The following CADM1 variants were observed in gnomAD, a reference collection of about 807,000 sequenced individuals.
CADM1 encodes cell adhesion molecule 1.
In CADM1, 15 loss-of-function variants were observed where a neutral mutation model predicts 53.1. The ratio of observed to expected loss-of-function variants is 0.28; its 90% CI spans 0.19 to 0.44. The LOEUF (loss-of-function observed/expected upper bound fraction) is 0.44, where lower values mean the gene tolerates loss of function less well. Ranked by LOEUF, CADM1 falls within the 20% of genes least tolerant of loss-of-function variation. CADM1 has a pLI of 1.00. For synonymous variants in CADM1, 281 were observed against 243.0 expected, an observed-to-expected ratio of 1.16 and a Z score of -1.45; for missense variants, 434 against 611.3, an observed-to-expected ratio of 0.71 and a Z score of 3.06.
intron 1 of CADM1, among the ~76,000 whole-genome samples, chr11:115,399,703 G>C (rs1242065024): frequency 6.6e-6 from 1 of 151,870 alleles, no homozygotes; most frequent in African/African-American, 2.4e-5. Context: ...TTTTTTAACA[G>C]AGTATTTAAA....
chr11:115,218,339 G>T (rs1423590990), intron 5 of CADM1, among the ~76,000 whole-genome samples: 1 of 152,144 alleles, frequency 6.6e-6, no homozygotes, highest in African/African-American at 2.4e-5. Context: ...GATATCTGTG[G>T]TGCTCAGAAT....
chr11:115,169,512 C>T lies in CADM1; in HGVS notation c.*6962G>A. 2.2e-6 allele frequency: 1 copy of T among 445,112 alleles called. No homozygotes were observed. The highest frequency in any genetic ancestry group is 4.5e-6 in the Non-Finnish European group (1 of 222,282). The allele number at this position is 445,112 out of a possible 1,614,324, so 27.6% of individuals were successfully genotyped here. On this transcript the variant is annotated 3_prime_UTR_variant, in exon 12 of 12. Coordinates refer to ENST00000331581, the MANE Select transcript of CADM1 (RefSeq NM_001301043.2). ...AACCCAAGTAGGACATTTCAGTTGA[C>T]AGTAATGGCATTTTCCCTTCCTTGT...
intron 1 of CADM1, among the ~76,000 whole-genome samples, chr11:115,271,277 T>TTTC (rs1555053478): frequency 6.6e-6 from 1 of 151,830 alleles, no homozygotes; most frequent in Non-Finnish European, 1.5e-5. Context: ...TTGTTGTTGT[T>TTTC]TTGTTGTTGT....
intron 10 of CADM1, among the ~76,000 whole-genome samples, chr11:115,184,581 C>A (rs1339784191): frequency 6.6e-6 from 1 of 152,196 alleles, no homozygotes; most frequent in East Asian, 1.9e-4. Flanking sequence ...CCTTTCTTTT[C>A]TGTCTTCTTA....
At chr11:115,373,265 T>A (rs970805603) in intron 1 of CADM1, among the ~76,000 whole-genome samples, 22 of 152,048 alleles carry the variant, frequency 1.4e-4, no homozygotes, top group African/African-American at 5.3e-4. Flanking sequence ...AGAATTCAGA[T>A]TGTACACAGG....
At chr11:115,304,554 T>C (rs1483755375) in intron 1 of CADM1, among the ~76,000 whole-genome samples, 1 of 152,046 alleles carries the variant, frequency 6.6e-6, no homozygotes, top group African/African-American at 2.4e-5. Flanking sequence ...AAACAGCTTA[T>C]GTCCAAACTT....
chr11:115,212,063 T>G (rs1425486838), intron 7 of CADM1, among the ~76,000 whole-genome samples: 1 of 152,156 alleles, frequency 6.6e-6, no homozygotes, highest in Non-Finnish European at 1.5e-5. Flanking sequence ...CTTTAACAGG[T>G]AAAATAACTT....
intron 1 of CADM1, among the ~76,000 whole-genome samples, chr11:115,339,500 T>C (rs1175894078): frequency 6.6e-6 from 1 of 152,144 alleles, no homozygotes; most frequent in African/African-American, 2.4e-5. Context: ...CATCTAAACA[T>C]GGTGTAATTA....
intron 1 of CADM1, among the ~76,000 whole-genome samples, chr11:115,407,936 GAAGA>G (rs1327982117): frequency 1.6e-5 from 2 of 123,198 alleles, no homozygotes; most frequent in East Asian, 5.5e-4. Context: ...TTTGTGTATT[GAAGA>G]AAGGTAAGCA....
chr11:115,477,074 G>T (rs1370692891), intron 1 of CADM1, among the ~76,000 whole-genome samples: 3 of 152,078 alleles, frequency 2.0e-5, no homozygotes, highest in Admixed American at 2.0e-4. Flanking sequence ...GCAGGATAGG[G>T]CAGGATAGCA....
chr11:115,249,253 A>C (rs774358290), intron 1 of CADM1, among the ~76,000 whole-genome samples: 1 of 150,916 alleles, frequency 6.6e-6, no homozygotes, highest in Non-Finnish European at 1.5e-5. Flanking sequence ...ATGAACTTAT[A>C]ATATGATATT....
At chr11:115,288,309 CA>C (rs2135100750) in intron 1 of CADM1, among the ~76,000 whole-genome samples, 1 of 152,170 alleles carries the variant, frequency 6.6e-6, no homozygotes, top group Non-Finnish European at 1.5e-5. Context: ...ACTTTTCTTC[CA>C]GAAGTCCAGG....
intron 1 of CADM1, among the ~76,000 whole-genome samples, chr11:115,330,927 C>T (rs1945113356): frequency 2.6e-5 from 4 of 152,098 alleles, no homozygotes; most frequent in Admixed American, 2.0e-4. Flanking sequence ...TAACACTCAG[C>T]AGCACTGGAC....
At chr11:115,348,964 C>A (rs1945655161) in intron 1 of CADM1, among the ~76,000 whole-genome samples, 1 of 152,118 alleles carries the variant, frequency 6.6e-6, no homozygotes, top group Non-Finnish European at 1.5e-5. Context: ...TTAAAAGGGA[C>A]ATGCTAATGT....
chr11:115,473,824 A>G (rs549750945), intron 1 of CADM1, among the ~76,000 whole-genome samples: 54 of 152,322 alleles, frequency 3.5e-4, no homozygotes, highest in Admixed American at 5.9e-4. Flanking sequence ...CCCATAAAAT[A>G]TAAAATTAAT....
intron 1 of CADM1, among the ~76,000 whole-genome samples, chr11:115,473,213 C>A (rs543635495): frequency 6.6e-6 from 1 of 152,334 alleles, no homozygotes; most frequent in Non-Finnish European, 1.5e-5. Context: ...AATCCCAACA[C>A]TTTGGGAGGC....
rs1259388827 is a variant in CADM1, at chr11:115,174,953, C to T, written c.*1521G>A. 11 of 985,570 alleles carry T rather than the reference C, an allele frequency of 1.1e-5. No individual in the cohort carries two copies. The highest frequency in any genetic ancestry group is 1.1e-4 in the East Asian group (1 of 8,824). The allele number at this position is 985,570 out of a possible 1,614,324, so 61.1% of individuals were successfully genotyped here. A position where few individuals can be genotyped will look rare whatever the true frequency, so the allele number is the denominator to read the frequency against. ...GTAACGTGACTCCTCTACCTTTTCC[C>T]GAGGCTCCCCATCTAAGATATGTTC... On this transcript the variant is annotated 3_prime_UTR_variant, in exon 12 of 12. Transcript: ENST00000331581.
intron 1 of CADM1, among the ~76,000 whole-genome samples, chr11:115,325,126 A>C (rs1591709539): frequency 6.6e-6 from 1 of 152,332 alleles, no homozygotes; most frequent in Non-Finnish European, 1.5e-5. Context: ...AGTTCTATAG[A>C]AGAAATGTTA....
chr11:115,483,667 C>T (rs1949304528), intron 1 of CADM1, among the ~76,000 whole-genome samples: 1 of 152,194 alleles, frequency 6.6e-6, no homozygotes. Flanking sequence ...TTCCAACCTC[C>T]TCTCACTAGT....
Sources: allele counts gnomAD v4.1 joint callset (sites outside exome capture counted in the v4.1 genomes callset), GRCh38; gene constraint gnomAD v4.1.1; transcripts MANE v1.5; gene names NCBI Gene and HGNC (gene_info 2026-07-23, HGNC 2026-07-21).